The following GPR149 variants were observed in gnomAD, a reference collection of about 807,000 sequenced individuals.
GPR149 encodes the protein probable G protein-coupled receptor 149.
A neutral mutation model predicts 50.2 loss-of-function variants in GPR149; 50 were observed. That is an observed-to-expected ratio of 1.00 (90% CI 0.79 to 1.26). The LOEUF (loss-of-function observed/expected upper bound fraction) is 1.26, where lower values mean the gene tolerates loss of function less well. Ranked by LOEUF, GPR149 falls within the 50% of genes most tolerant of loss-of-function variation. The pLI is 0.00. For synonymous variants in GPR149, 405 were observed against 358.2 expected (o/e 1.13, Z -1.48); for missense variants, 983 against 895.4 (o/e 1.10, Z -1.25).
chr3:154,396,003 A>G (rs1715285915), intron 3 of GPR149, among the ~76,000 whole-genome samples: 1 of 152,216 alleles, frequency 6.6e-6, no homozygotes, highest in Admixed American at 6.5e-5. Flanking sequence ...ACCTAAGTCT[A>G]AAAAGCACTG....
intron 3 of GPR149, among the ~76,000 whole-genome samples, chr3:154,341,292 C>CATAT (rs373212063): frequency 0.019 from 1,399 of 72,132 alleles, 38 homozygotes; most frequent in Non-Finnish European, 0.022. Flanking sequence ...AAAAATAAGA[C>CATAT]ATATATATAT....
At chr3:154,352,314 C>T in intron 3 of GPR149, 1 of 951,520 alleles carries the variant, frequency 1.1e-6, no homozygotes, top group Non-Finnish European at 1.6e-6. Flanking sequence ...CCAGCCATTC[C>T]TCCGTTGGGG....
chr3:154,357,367 A>C (rs1714262952), intron 3 of GPR149, among the ~76,000 whole-genome samples: 1 of 152,062 alleles, frequency 6.6e-6, no homozygotes, highest in East Asian at 1.9e-4. Flanking sequence ...CTGCACAGCA[A>C]AAGAAACTAC....
At position 154,425,739 on chromosome 3, in the gene GPR149, G is replaced by A. The variant is rs186242029; in HGVS notation, c.1174+1777C>T. The stretch of plus-strand genomic sequence containing the variant: ...TAGAAAAAAATATTATTTTGATCTC[G>A]AAAGACATATTTTTAATTTCAAACC... On this transcript the variant is annotated intron_variant, in intron 2 of 3. Transcript: ENST00000389740. 2.4e-3 allele frequency among the ~76,000 whole-genome samples: 369 copies of A among 152,110 alleles called. 5 individuals carry two copies. The highest frequency in any genetic ancestry group is 8.5e-3 in the African/African-American group (352 of 41,516).
intron 3 of GPR149, among the ~76,000 whole-genome samples, chr3:154,412,537 C>A (rs1488135516): frequency 6.6e-6 from 1 of 152,020 alleles, no homozygotes; most frequent in Admixed American, 6.6e-5. Context: ...CAACAGAAAC[C>A]AAGCTGAGAA....
intron 3 of GPR149, among the ~76,000 whole-genome samples, chr3:154,356,418 A>T (rs1049025977): frequency 3.3e-5 from 5 of 152,210 alleles, no homozygotes; most frequent in African/African-American, 1.2e-4. Context: ...ACATGATTGT[A>T]TATCTAGAAA....
At chr3:154,372,685 A>G (rs767223070) in intron 3 of GPR149, among the ~76,000 whole-genome samples, 2 of 152,194 alleles carry the variant, frequency 1.3e-5, no homozygotes, top group South Asian at 4.1e-4. Flanking sequence ...ATGGAGAGAG[A>G]ATGGTGATGA....
intron 3 of GPR149, among the ~76,000 whole-genome samples, chr3:154,368,110 C>G (rs1714584002): frequency 6.6e-6 from 1 of 152,178 alleles, no homozygotes; most frequent in Middle Eastern, 3.2e-3. Flanking sequence ...CGGGAGTTAT[C>G]AGTAGACATT....
chr3:154,352,252 G>T, intron 3 of GPR149: 1 of 854,078 alleles, frequency 1.2e-6, no homozygotes, highest in Non-Finnish European at 1.9e-6. Flanking sequence ...CTACCTGATA[G>T]GCCACCAGAT....
chr3:154,399,582 T>G (rs1416078915), intron 3 of GPR149, among the ~76,000 whole-genome samples: 9 of 152,206 alleles, frequency 5.9e-5, no homozygotes, highest in East Asian at 1.9e-4. Context: ...TTAAATTCAG[T>G]GTGGAACTTA....
intron 3 of GPR149, among the ~76,000 whole-genome samples, chr3:154,358,239 A>G (rs913880154): frequency 6.6e-6 from 1 of 152,166 alleles, no homozygotes; most frequent in African/African-American, 2.4e-5. Flanking sequence ...ATGTATACAT[A>G]TGTAACTAAC....
chr3:154,353,029 C>T, intron 3 of GPR149: 1 of 1,367,122 alleles, frequency 7.3e-7, no homozygotes, highest in East Asian at 2.3e-5. Context: ...AAACTATCTT[C>T]TCTGAAGCCT....
chr3:154,407,691 T>TACACACACACACACACACACACAC (rs1225672801), intron 3 of GPR149, among the ~76,000 whole-genome samples: 6 of 12,778 alleles, frequency 4.7e-4, no homozygotes, highest in African/African-American at 2.7e-3. Context: ...ATGTCATGTG[T>TACACACACACACACACACACACAC]ATACACACAC....
rs145603982 is a variant in GPR149, at chr3:154,340,245, C to T, written c.1624-1974G>A. Among the ~76,000 whole-genome samples the T allele has an allele frequency of 2.4e-3, 358 of 152,210 alleles. 3 individuals carry two copies. The highest frequency in any genetic ancestry group is 7.1e-3 in the African/African-American group (294 of 41,536). On this transcript the variant is annotated intron_variant, in intron 3 of 3. Transcript: ENST00000389740. The stretch of plus-strand genomic sequence containing the variant: ...AGGAACCTAACTGTAGAGCCTTGCA[C>T]GATAAAGTTTTGGAAATTTTGAAAA...
At position 154,427,527 on chromosome 3, in the gene GPR149, T is replaced by G. The variant is rs756525523; in HGVS notation, c.1163A>C (p.Asp388Ala). The G allele has an allele frequency of 2.5e-6, 4 of 1,608,458 alleles. No individual in the cohort carries two copies. The highest frequency in any genetic ancestry group is 2.5e-6 in the Non-Finnish European group (3 of 1,177,988). ...TGTTGAGGACTTACTTTTTTTCCCA[T>G]CGGACGCCACTGCATATGCGTTCTG... ...CRQNAYAVASDGKKIKRKGFE... is the reference protein window; with the variant it reads ...CRQNAYAVASAGKKIKRKGFE... Residue 388 changes from aspartate to alanine, a missense_variant, in exon 2 of 4, where the codon GAT becomes GCT. Transcript: ENST00000389740.
chr3:154,360,553 C>A (rs544893780), intron 3 of GPR149, among the ~76,000 whole-genome samples: 2 of 152,090 alleles, frequency 1.3e-5, no homozygotes, highest in Admixed American at 6.6e-5. Context: ...GGTCAAACAG[C>A]CAATAAGTGG....
intron 3 of GPR149, among the ~76,000 whole-genome samples, chr3:154,414,122 G>C (rs1347354939): frequency 6.6e-6 from 1 of 151,866 alleles, no homozygotes; most frequent in Non-Finnish European, 1.5e-5. Flanking sequence ...AGGATGCAAA[G>C]GTGTAAGAAT....
rs568662921 is a variant in GPR149, at chr3:154,358,804, C to T, written c.1624-20533G>A. 2.0e-5 allele frequency among the ~76,000 whole-genome samples: 3 copies of T among 152,174 alleles called. No individual in the cohort carries two copies. The South Asian group carries it at 6.2e-4, about 32-fold the overall frequency. On this transcript the variant is annotated intron_variant, in intron 3 of 3. Transcript: ENST00000389740. ...ATTAAGCTCGAATACAGGTAAGAGA[C>T]CATGTAAGATCCTGTAGATATGGTC...
chr3:154,398,677 C>T (rs1005735110), intron 3 of GPR149, among the ~76,000 whole-genome samples: 1 of 152,064 alleles, frequency 6.6e-6, no homozygotes, highest in African/African-American at 2.4e-5. Flanking sequence ...GCTGAAATGA[C>T]AAGTTCAAAA....
Sources: gnomAD v4.1 joint callset for allele counts (sites outside exome capture counted in the v4.1 genomes callset) on GRCh38, gnomAD v4.1.1 for gene constraint, MANE v1.5 for transcripts, NCBI Gene and HGNC (gene_info 2026-07-23, HGNC 2026-07-21) for gene names.